Variants in TSHZ2 observed in about 807,000 individuals in gnomAD.
The protein encoded by TSHZ2 is teashirt homolog 2.
A neutral mutation model predicts 74.4 loss-of-function variants in TSHZ2; 21 were observed. The ratio of observed to expected loss-of-function variants is 0.28; its 90% CI spans 0.20 to 0.41. The LOEUF (loss-of-function observed/expected upper bound fraction) is 0.41. Ranked by LOEUF, TSHZ2 falls within the 10% of genes least tolerant of loss-of-function variation. TSHZ2 has a pLI of 1.00. For synonymous variants in TSHZ2, 540 were observed against 515.3 expected, an observed-to-expected ratio of 1.05 and a Z score of -0.65; for missense variants, 1,244 against 1,293.5, an observed-to-expected ratio of 0.96 and a Z score of 0.59.
intron 1 of TSHZ2, among the ~76,000 whole-genome samples, chr20:53,041,815 G>A (rs1003191247): frequency 1.3e-5 from 2 of 152,218 alleles, no homozygotes; most frequent in African/African-American, 2.4e-5. Context: ...TGAAAGAAAA[G>A]TGTTAAAACA....
At chr20:53,204,356 G>GATACTATATCATCATATAACATGATGAT (rs1989106409) in intron 1 of TSHZ2, among the ~76,000 whole-genome samples, 1 of 133,036 alleles carries the variant, frequency 7.5e-6, no homozygotes, top group African/African-American at 3.2e-5. Flanking sequence ...ATGATGATAT[G>GATACTATATCATCATATAACATGATGAT]ATACTATATC....
At chr20:53,413,474 T>C (rs1983126098) in intron 2 of TSHZ2, among the ~76,000 whole-genome samples, 1 of 152,242 alleles carries the variant, frequency 6.6e-6, no homozygotes, top group Admixed American at 6.5e-5. Context: ...ATCTTAGTTC[T>C]ACCACTTGCA....
chr20:53,185,382 A>C, intron 1 of TSHZ2: 1 of 1,227,800 alleles, frequency 8.1e-7, no homozygotes, highest in Non-Finnish European at 1.0e-6. Flanking sequence ...CCTCTGACTT[A>C]AGATGATGGT....
chr20:52,984,115 C>A (rs551886755), intron 1 of TSHZ2, among the ~76,000 whole-genome samples: 3 of 152,158 alleles, frequency 2.0e-5, no homozygotes, highest in Admixed American at 6.5e-5. Flanking sequence ...GATTTGGGAT[C>A]CTGGAGAGCA....
At chr20:53,175,313 T>C (rs1287629662) in intron 1 of TSHZ2, among the ~76,000 whole-genome samples, 3 of 151,988 alleles carry the variant, frequency 2.0e-5, no homozygotes, top group Non-Finnish European at 4.4e-5. Flanking sequence ...GCTAATTTTT[T>C]GTATTTTTAG....
chr20:53,260,112 T>C (rs1990572585), intron 2 of TSHZ2, among the ~76,000 whole-genome samples: 1 of 152,102 alleles, frequency 6.6e-6, no homozygotes, highest in African/African-American at 2.4e-5. Flanking sequence ...CCTTTCATCC[T>C]TCAACAAATA....
At chr20:53,320,757 T>A (rs1168320639) in intron 2 of TSHZ2, among the ~76,000 whole-genome samples, 1 of 152,196 alleles carries the variant, frequency 6.6e-6, no homozygotes, top group East Asian at 1.9e-4. Flanking sequence ...CTACCTGTCT[T>A]CCTCCAGCAT....
intron 2 of TSHZ2, chr20:53,398,013 G>A (rs2145672903): frequency 6.6e-6 from 1 of 152,226 alleles, no homozygotes; most frequent in East Asian, 1.9e-4. Flanking sequence ...ATAGCATTAG[G>A]AGATATACCT....
chr20:53,195,877 C>T lies in TSHZ2; in HGVS notation c.41-57622C>T, dbSNP rs901004426. ...TCAGAAATCAGATTTATATGGTATA[C>T]ACAGTGTCTGCAGACCTAACTGCAG... On this transcript the variant is annotated intron_variant, in intron 1 of 2. Coordinates refer to ENST00000371497, the MANE Select transcript of TSHZ2 (RefSeq NM_173485.6). 2.0e-5 allele frequency among the ~76,000 whole-genome samples: 3 copies of T among 152,156 alleles called. 1 individual carries two copies. The East Asian group carries it at 5.8e-4, about 29-fold the overall frequency.
chr20:53,059,403 A>G (rs770558809), intron 1 of TSHZ2, among the ~76,000 whole-genome samples: 1 of 152,234 alleles, frequency 6.6e-6, no homozygotes, highest in African/African-American at 2.4e-5. Context: ...AGAGGAAATG[A>G]AAAACTTAAA....
At chr20:53,335,578 C>T (rs1050861763) in intron 2 of TSHZ2, among the ~76,000 whole-genome samples, 1 of 152,196 alleles carries the variant, frequency 6.6e-6, no homozygotes, top group African/African-American at 2.4e-5. Flanking sequence ...TGGGTCATTT[C>T]CTTTTGCATA....
At chr20:53,058,135 A>G (rs925776314) in intron 1 of TSHZ2, among the ~76,000 whole-genome samples, 3 of 152,112 alleles carry the variant, frequency 2.0e-5, no homozygotes, top group Non-Finnish European at 2.9e-5. Context: ...AGAGAATCCA[A>G]TGTCACTGCA....
chr20:53,356,571 C>T (rs916087371), intron 2 of TSHZ2, among the ~76,000 whole-genome samples: 1 of 152,160 alleles, frequency 6.6e-6, no homozygotes, highest in African/African-American at 2.4e-5. Flanking sequence ...GTCTTTTAGA[C>T]ATTTTACTAC....
At chr20:53,224,048 C>T (rs78170454) in intron 1 of TSHZ2, among the ~76,000 whole-genome samples, 2,529 of 152,172 alleles carry the variant, frequency 0.017, 83 homozygotes, top group African/African-American at 0.058. Context: ...TGAGGGAAAA[C>T]AGGGGAAGGA....
At chr20:53,341,544 C>T (rs762806082) in intron 2 of TSHZ2, among the ~76,000 whole-genome samples, 1 of 151,688 alleles carries the variant, frequency 6.6e-6, no homozygotes, top group African/African-American at 2.4e-5. Context: ...AGGCTAGTCT[C>T]GAACTGCTGA....
chr20:52,974,792 C>A (rs1172475736), intron 1 of TSHZ2, among the ~76,000 whole-genome samples: 1 of 152,174 alleles, frequency 6.6e-6, no homozygotes, highest in East Asian at 1.9e-4. Context: ...AATTATCATT[C>A]CTTCTGAGCA....
At chr20:53,089,327 T>TC (rs1321490496) in intron 1 of TSHZ2, among the ~76,000 whole-genome samples, 5 of 120,724 alleles carry the variant, frequency 4.1e-5, no homozygotes, top group Non-Finnish European at 7.0e-5. Flanking sequence ...TTTCTTTTTT[T>TC]TTTTTTTTTT....
At chr20:53,075,807 G>A (rs1453137578) in intron 1 of TSHZ2, among the ~76,000 whole-genome samples, 1 of 152,200 alleles carries the variant, frequency 6.6e-6, no homozygotes, top group African/African-American at 2.4e-5. Flanking sequence ...GCCACCATCG[G>A]TGGGAGCCAG....
intron 2 of TSHZ2, among the ~76,000 whole-genome samples, chr20:53,334,316 A>G (rs1485636047): frequency 1.3e-5 from 2 of 152,176 alleles, no homozygotes; most frequent in Non-Finnish European, 1.5e-5. Flanking sequence ...AGAGGGCCTC[A>G]CTGTGAAAGG....
Sources: allele counts gnomAD v4.1 joint callset (sites outside exome capture counted in the v4.1 genomes callset), GRCh38; gene constraint gnomAD v4.1.1; transcripts MANE v1.5; gene names NCBI Gene and HGNC (gene_info 2026-07-23, HGNC 2026-07-21).